The following ARFIP1 variants were observed in gnomAD, a reference collection of about 807,000 sequenced individuals.
ARFIP1 encodes ARF interacting protein 1, also known as arfaptin-1.
ARFIP1 carries 24 observed loss-of-function variants against 42.5 expected under a neutral mutation model. That is an observed-to-expected ratio of 0.57 (90% CI 0.41 to 0.80). The LOEUF is 0.80. Ranked by LOEUF, ARFIP1 falls within the 30% of genes least tolerant of loss-of-function variation. The pLI is 0.00. For synonymous variants in ARFIP1, 141 were observed against 153.7 expected (o/e 0.92, Z 0.61); for missense variants, 354 against 434.0 (o/e 0.82, Z 1.64).
intron 1 of ARFIP1, among the ~76,000 whole-genome samples, chr4:152,807,582 T>TA (rs1167937853): frequency 1.3e-5 from 2 of 152,226 alleles, no homozygotes; most frequent in Non-Finnish European, 2.9e-5. Context: ...AGTGTTCTGT[T>TA]ACGTTTTGGC....
intron 1 of ARFIP1, among the ~76,000 whole-genome samples, chr4:152,785,691 A>G (rs1730762119): frequency 6.6e-6 from 1 of 152,184 alleles, no homozygotes; most frequent in South Asian, 2.1e-4. Flanking sequence ...CTCTCCACCC[A>G]CCACACCTCT....
At chr4:152,907,348 T>TC (rs1327026739) in intron 8 of ARFIP1, among the ~76,000 whole-genome samples, 4 of 81,628 alleles carry the variant, frequency 4.9e-5, no homozygotes, top group Admixed American at 2.9e-4. Flanking sequence ...TCTTTTTCTC[T>TC]TTTTTAATAA....
chr4:152,888,127 T>C lies in ARFIP1; in HGVS notation c.792-6T>C. 1 of 1,591,764 alleles carries C rather than the reference T, an allele frequency of 6.3e-7. No homozygotes were observed. Among genetic ancestry groups the C allele is most frequent in the Non-Finnish European group, 8.5e-7 (1 of 1,172,150 alleles). Reference sequence around the variant, plus strand: ...TAGTATGCTTCACTTACTCTCTTCTTTCCAGGATTGAATATGATGCATATC... The same window carrying C: ...TAGTATGCTTCACTTACTCTCTTCTCTCCAGGATTGAATATGATGCATATC... On this transcript the variant is annotated splice_polypyrimidine_tract_variant and splice_region_variant and intron_variant, in intron 7 of 8. Coordinates refer to ENST00000353617, the MANE Select transcript of ARFIP1 (RefSeq NM_001025595.3).
chr4:152,864,913 CTTTTT>C (rs34123163), intron 3 of ARFIP1, among the ~76,000 whole-genome samples: 5 of 112,460 alleles, frequency 4.4e-5, no homozygotes, highest in Non-Finnish European at 7.4e-5. Flanking sequence ...CTTTTTTAAA[CTTTTT>C]TTTTTTTTTT....
chr4:152,826,058 A>G (rs1730809371), intron 1 of ARFIP1, among the ~76,000 whole-genome samples: 1 of 151,998 alleles, frequency 6.6e-6, no homozygotes, highest in African/African-American at 2.4e-5. Flanking sequence ...CTGGTGATAA[A>G]ACAGTATGTA....
chr4:152,897,681 T>C (rs1285324374), intron 8 of ARFIP1, among the ~76,000 whole-genome samples: 1 of 152,218 alleles, frequency 6.6e-6, no homozygotes, highest in African/African-American at 2.4e-5. Context: ...ATGTGTGCTC[T>C]TCAGATCCAC....
At chr4:152,814,755 A>C (rs982870114) in intron 1 of ARFIP1, among the ~76,000 whole-genome samples, 2 of 152,178 alleles carry the variant, frequency 1.3e-5, no homozygotes, top group Non-Finnish European at 2.9e-5. Context: ...GTAAGACTAC[A>C]ACTTTCCCCC....
intron 2 of ARFIP1, among the ~76,000 whole-genome samples, chr4:152,837,108 T>G (rs1018702280): frequency 6.6e-6 from 1 of 152,326 alleles, no homozygotes; most frequent in Middle Eastern, 3.4e-3. Context: ...ATGCTGTTAA[T>G]TCATTCCTCT....
At chr4:152,896,626 G>GA (rs1737357228) in intron 8 of ARFIP1, among the ~76,000 whole-genome samples, 1 of 152,004 alleles carries the variant, frequency 6.6e-6, no homozygotes, top group Admixed American at 6.6e-5. Flanking sequence ...AGGGTGAATG[G>GA]AAACAGGAAT....
intron 2 of ARFIP1, 139 bp downstream of exon 2, chr4:152,829,865 G>A (rs1323232337): frequency 5.0e-6 from 3 of 595,102 alleles, no homozygotes; most frequent in Non-Finnish European, 8.0e-6. Context: ...TATTATATAG[G>A]GATGACAAGG....
intron 8 of ARFIP1, among the ~76,000 whole-genome samples, chr4:152,901,507 C>G (rs1157029688): frequency 2.6e-5 from 4 of 152,260 alleles, no homozygotes; most frequent in East Asian, 1.9e-4. Flanking sequence ...TGGTTTTGCT[C>G]ATTGTTTGGC....
chr4:152,904,305 C>T (rs1386067844), intron 8 of ARFIP1, among the ~76,000 whole-genome samples: 1 of 151,682 alleles, frequency 6.6e-6, no homozygotes, highest in Non-Finnish European at 1.5e-5. Flanking sequence ...AACTCTCCTG[C>T]CTCAGCCTCC....
intron 8 of ARFIP1, among the ~76,000 whole-genome samples, chr4:152,893,982 C>T (rs916541262): frequency 6.6e-6 from 1 of 151,860 alleles, no homozygotes; most frequent in Non-Finnish European, 1.5e-5. Context: ...CTTTGGGAGG[C>T]CGAGGTGGAC....
At position 152,892,061 on chromosome 4, in the gene ARFIP1, A is replaced by G. The variant is rs375385601; in HGVS notation, c.966+3754A>G. Reference sequence around the variant, plus strand: ...ATACTTTTCCTATTTCTTCCCCCCAACCACTCACCATCCTCTGCTTTTTTT... The same window carrying G: ...ATACTTTTCCTATTTCTTCCCCCCAGCCACTCACCATCCTCTGCTTTTTTT... On this transcript the variant is annotated intron_variant, in intron 8 of 8. Coordinates refer to ENST00000353617, the MANE Select transcript of ARFIP1 (RefSeq NM_001025595.3). Among the ~76,000 whole-genome samples, 30 of 151,784 alleles carry G rather than the reference A, an allele frequency of 2.0e-4. No individual in the cohort carries two copies. In the East Asian group the frequency reaches 2.3e-3, roughly 12 times the overall value.
intron 2 of ARFIP1, 133 bp from the exon 3 acceptor site, chr4:152,863,473 T>C (rs1734046878): frequency 1.9e-6 from 1 of 537,084 alleles, no homozygotes; most frequent in African/African-American, 1.9e-5. Flanking sequence ...AATGCCATGA[T>C]AGCATAAGGG....
intron 8 of ARFIP1, among the ~76,000 whole-genome samples, chr4:152,894,935 G>T (rs1022144223): frequency 6.6e-6 from 1 of 152,206 alleles, no homozygotes; most frequent in African/African-American, 2.4e-5. Flanking sequence ...AGTATTCCAG[G>T]AAGAAATACC....
chr4:152,818,542 T>C (rs1165533447), intron 1 of ARFIP1, among the ~76,000 whole-genome samples: 1 of 152,054 alleles, frequency 6.6e-6, no homozygotes, highest in African/African-American at 2.4e-5. Flanking sequence ...TGAGAGAAGC[T>C]CCCAACTGAG....
intron 1 of ARFIP1, among the ~76,000 whole-genome samples, chr4:152,797,617 G>A (rs769601586): frequency 4.6e-4 from 70 of 152,298 alleles, no homozygotes; most frequent in Middle Eastern, 3.4e-3. Flanking sequence ...GTGTTCTTCA[G>A]TGTCTTTCAG....
intron 8 of ARFIP1, among the ~76,000 whole-genome samples, chr4:152,905,666 C>T (rs1488823737): frequency 6.7e-6 from 1 of 148,514 alleles, no homozygotes; most frequent in Non-Finnish European, 1.5e-5. Context: ...GATTCTCCTG[C>T]CTCAGCCTCC....
Sources: allele counts gnomAD v4.1 joint callset (sites outside exome capture counted in the v4.1 genomes callset), GRCh38; gene constraint gnomAD v4.1.1; transcripts MANE v1.5; gene names NCBI Gene and HGNC (gene_info 2026-07-23, HGNC 2026-07-21).